EPHA8: variants seen among roughly 807,000 people sequenced by gnomAD.
EPHA8 encodes the protein EPH receptor A8.
A neutral mutation model predicts 103.6 loss-of-function variants in EPHA8; 58 were observed. The ratio of observed to expected loss-of-function variants is 0.56; its 90% CI spans 0.45 to 0.70. EPHA8 has a LOEUF of 0.70. EPHA8 is among the 30% of genes least tolerant of loss of function. The pLI, the probability that EPHA8 is intolerant of heterozygous loss-of-function variation, is 0.00. For missense variants in EPHA8, 1,304 were observed against 1,395.2 expected, an observed-to-expected ratio of 0.93 and a Z score of 1.04; for synonymous variants, 559 against 572.5, an observed-to-expected ratio of 0.98 and a Z score of 0.34.
intron 2 of EPHA8, among the ~76,000 whole-genome samples, chr1:22,570,324 ACACACG>A (rs1181059115): frequency 2.5e-4 from 30 of 117,800 alleles, no homozygotes; most frequent in Middle Eastern, 3.9e-3. Flanking sequence ...ACACACATGC[ACACACG>A]CACATGCACA....
In EPHA8 at chr1:22,598,582, C is replaced by T. The variant is rs1053898240; in HGVS notation, c.2179-256C>T. ...CTCTTAGGCACAGAGCTTAACCTCT[C>T]TGGGCCTCCATCTCTCGTTCCACAA... On this transcript the variant is annotated intron_variant, in intron 12 of 16. Transcript: ENST00000166244. The surrounding 1 kb of genome is among the most constrained non-coding windows in gnomAD (Gnocchi z 5.1). Among the ~76,000 whole-genome samples, 1 of 152,156 alleles carries T rather than the reference C, an allele frequency of 6.6e-6. No homozygotes were observed. The highest frequency in any genetic ancestry group is 2.4e-5 in the African/African-American group (1 of 41,428).
chr1:22,570,243 CACAT>C (rs1294848581), intron 2 of EPHA8, among the ~76,000 whole-genome samples: 3 of 152,070 alleles, frequency 2.0e-5, no homozygotes, highest in Non-Finnish European at 2.9e-5. Context: ...CAGAAACACA[CACAT>C]GCACACACAC....
At chr1:22,573,217 A>C (rs1308761324) in intron 2 of EPHA8, among the ~76,000 whole-genome samples, 1 of 152,096 alleles carries the variant, frequency 6.6e-6, no homozygotes, top group Non-Finnish European at 1.5e-5. Flanking sequence ...GAAGCAGGAA[A>C]TCCTCCCGCA....
intron 3 of EPHA8, among the ~76,000 whole-genome samples, chr1:22,584,219 G>C (rs1641123908): frequency 6.6e-6 from 1 of 152,170 alleles, no homozygotes; most frequent in African/African-American, 2.4e-5. Context: ...TGTGCCCCAG[G>C]ACTGAGCCTC....
At position 22,594,990 on chromosome 1, in the gene EPHA8, C is replaced by T. The variant is rs111588409; in HGVS notation, c.1604-240C>T. ...CCGGTACCACAGCCACAAGAAGCAGCGGCACCAGCATTAGGAAGCTGGGCA... is the reference window on the plus strand; with the variant it reads ...CCGGTACCACAGCCACAAGAAGCAGTGGCACCAGCATTAGGAAGCTGGGCA... On this transcript the variant is annotated intron_variant, in intron 7 of 16. Transcript: ENST00000166244. Among the ~76,000 whole-genome samples, 14 of 152,318 alleles carry T rather than the reference C, an allele frequency of 9.2e-5. 1 individual carries two copies. The East Asian group carries it at 1.4e-3, about 15-fold the overall frequency.
rs1337757679 is a variant in EPHA8 at position 22,601,065 on chromosome 1, C to G, written c.2706C>G (p.Leu902=). 2.5e-6 allele frequency: 4 copies of G among 1,608,556 alleles called. No homozygotes were observed. Among genetic ancestry groups the G allele is most frequent in the Non-Finnish European group, 3.4e-6 (4 of 1,177,422 alleles). The change falls in exon 15 of 17, where the codon CTC becomes CTG. Residue 902 remains leucine, a synonymous_variant. Coordinates refer to ENST00000166244, the MANE Select transcript of EPHA8 (RefSeq NM_020526.5). Reference sequence around the variant, plus strand: ...CGCTCATCCGCAGCCCTGAGAGTCTCAGGGCCACCGCCACAGTCAGCAGGT... The same window carrying G: ...CGCTCATCCGCAGCCCTGAGAGTCTGAGGGCCACCGCCACAGTCAGCAGGT... ...LDALIRSPES[L]RATATVSRCP... is the part of the protein sequence containing the mutation.
chr1:22,597,234 C>A lies in EPHA8; in HGVS notation c.1766-78C>A. The A allele has an allele frequency of 7.9e-7, 1 of 1,272,590 alleles. No homozygotes were observed. Among genetic ancestry groups the A allele is most frequent in the Non-Finnish European group, 1.1e-6 (1 of 915,050 alleles). 78.8% of individuals were successfully genotyped at this position (1,272,590 alleles called of 1,614,324 possible). The stretch of plus-strand genomic sequence containing the variant: ...GAGACACCCCTCACCCCACCCCAGA[C>A]CCATCCCAGGCCCAGGGAATGTCAG... On this transcript the variant is annotated intron_variant, in intron 9 of 16. Coordinates refer to ENST00000166244, the MANE Select transcript of EPHA8 (RefSeq NM_020526.5). The surrounding 1 kb of genome is among the most constrained non-coding windows in gnomAD (Gnocchi z 4.6).
chr1:22,593,412 G>C lies in EPHA8; in HGVS notation c.1402G>C (p.Gly468Arg). 1.9e-6 allele frequency: 3 copies of C among 1,601,332 alleles called. No individual in the cohort carries two copies. Among genetic ancestry groups the C allele is most frequent in the Non-Finnish European group, 2.6e-6 (3 of 1,175,070 alleles). ...LLWQEPEQPNGIILEYEIKYY... is the reference protein window; with the variant it reads ...LLWQEPEQPNRIILEYEIKYY... The stretch of plus-strand genomic sequence containing the variant: ...GTGGCAGGAGCCCGAGCAGCCGAAC[G>C]GCATCATCCTGGAGTATGAGATCAA... Residue 468 changes from glycine (G) to arginine (R), a missense_variant, in exon 6 of 17, where the codon GGC (glycine) becomes CGC (arginine). Gly to Arg is a moderately radical substitution (Grantham distance 125). Transcript: ENST00000166244.
chr1:22,570,277 T>A (rs547643606), intron 2 of EPHA8, among the ~76,000 whole-genome samples: 1 of 151,450 alleles, frequency 6.6e-6, no homozygotes, highest in Non-Finnish European at 1.5e-5. Context: ...TACACACACA[T>A]GCACGCGCGT....
chr1:22,569,208 A>C lies in EPHA8; in HGVS notation c.95-81A>C. 1.4e-6 allele frequency: 2 copies of C among 1,386,006 alleles called. No individual in the cohort carries two copies. Among genetic ancestry groups the C allele is most frequent in the Non-Finnish European group, 2.0e-6 (2 of 976,846 alleles). The allele number at this position is 1,386,006 out of a possible 1,614,324, so 85.9% of individuals were successfully genotyped here. ...GTGTGCTGGGGGCTGAGTGTGGACC[A>C]GTGTAGCTGGGTCAGGCTGCTCTTG... On this transcript the variant is annotated intron_variant, in intron 1 of 16. Transcript: ENST00000166244. The surrounding 1 kb of genome is among the most constrained non-coding windows in gnomAD (Gnocchi z 4.5).
chr1:22,588,653 G>A (rs1641285294), intron 4 of EPHA8, among the ~76,000 whole-genome samples: 1 of 152,096 alleles, frequency 6.6e-6, no homozygotes, highest in Non-Finnish European at 1.5e-5. Context: ...CCAGGGTTCT[G>A]TGCCCAGACT....
chr1:22,601,480 G>T lies in EPHA8; in HGVS notation c.2903+7G>T. ...TGCTACGCATGAACGCCCAGTGAGT[G>T]ATGGGTGGGGCTGGGGCCCCATGCG... On this transcript the variant is annotated splice_region_variant and intron_variant, in intron 16 of 16. Coordinates refer to ENST00000166244, the MANE Select transcript of EPHA8 (RefSeq NM_020526.5). The T allele has an allele frequency of 6.2e-7, 1 of 1,609,180 alleles. No individual in the cohort carries two copies.
chr1:22,588,395 G>C (rs1182662202), intron 4 of EPHA8, among the ~76,000 whole-genome samples: 1 of 152,200 alleles, frequency 6.6e-6, no homozygotes, highest in Non-Finnish European at 1.5e-5. Context: ...CACAGCCATG[G>C]GGATACACGG....
At chr1:22,600,858 G>C in intron 14 of EPHA8, 40 bp from the exon 15 acceptor site, 1 of 1,589,702 alleles carries the variant, frequency 6.3e-7, no homozygotes, top group Non-Finnish European at 8.6e-7. Context: ...GCCTCAGGGT[G>C]CAGGGAGGGA....
chr1:22,570,894 G>A (rs1336775925), intron 2 of EPHA8, among the ~76,000 whole-genome samples: 1 of 152,268 alleles, frequency 6.6e-6, no homozygotes. Context: ...TTCCCCGCGT[G>A]AGCGTGGTGT....
At position 22,567,114 on chromosome 1, in the gene EPHA8, G is replaced by A. The variant is rs560585570; in HGVS notation, c.95-2175G>A. ...TGTCTGCAGGCCCTGAAGCCTGCAC[G>A]CTCCAGGGCGAGAATCCTAAGCAGT... On this transcript the variant is annotated intron_variant, in intron 1 of 16. Transcript: ENST00000166244. The surrounding 1 kb of genome is among the most constrained non-coding windows in gnomAD (Gnocchi z 4.2). Among the ~76,000 whole-genome samples, 17 of 152,282 alleles carry A rather than the reference G, an allele frequency of 1.1e-4. No individual in the cohort carries two copies. The highest frequency in any genetic ancestry group is 3.8e-4 in the African/African-American group (16 of 41,570).
chr1:22,601,478 G>A lies in EPHA8; in HGVS notation c.2903+5G>A, dbSNP rs1383140091. 1.2e-6 allele frequency: 2 copies of A among 1,609,402 alleles called. No individual in the cohort carries two copies. Among genetic ancestry groups the A allele is most frequent in the Non-Finnish European group, 1.7e-6 (2 of 1,179,630 alleles). ...GGTGCTACGCATGAACGCCCAGTGA[G>A]TGATGGGTGGGGCTGGGGCCCCATG... On this transcript the variant is annotated splice_donor_5th_base_variant and intron_variant, in intron 16 of 16. Transcript: ENST00000166244.
chr1:22,598,987 G>A lies in EPHA8; in HGVS notation c.2328G>A (p.Val776=), dbSNP rs55825615. ...TTGACAGCAACCTGGTCTGCAAGGT[G>A]TCTGACTTCGGGCTCTCACGGGTGC... ...VLVDSNLVCK[V]SDFGLSRVLE... is the part of the protein sequence containing the mutation. Residue 776 remains valine (V), a synonymous_variant, in exon 13 of 17, where the codon GTG becomes GTA. Coordinates refer to ENST00000166244, the MANE Select transcript of EPHA8 (RefSeq NM_020526.5). The surrounding 1 kb of genome is among the most constrained non-coding windows in gnomAD (Gnocchi z 5.1). 2.0e-4 allele frequency: 324 copies of A among 1,612,112 alleles called. No homozygotes were observed. The African/African-American group carries it at 3.5e-3, about 17-fold the overall frequency.
intron 6 of EPHA8, 30 bp downstream of exon 6, chr1:22,593,480 C>T: frequency 6.2e-7 from 1 of 1,609,702 alleles, no homozygotes; most frequent in Non-Finnish European, 8.5e-7. Context: ...GTGGGAGGGG[C>T]TGGGCCAGCA....
Sources: allele counts gnomAD v4.1 joint callset (sites outside exome capture counted in the v4.1 genomes callset), GRCh38; gene constraint gnomAD v4.1.1; non-coding constraint Gnocchi (gnomAD v3.1); transcripts MANE v1.5; gene names NCBI Gene and HGNC (gene_info 2026-07-23, HGNC 2026-07-21).